CDH13: variants seen among roughly 807,000 people sequenced by gnomAD.
CDH13 encodes cadherin 13, also known as cadherin-13.
A neutral mutation model predicts 63.8 loss-of-function variants in CDH13; 24 were observed. That is an observed-to-expected ratio of 0.38 (90% CI 0.27 to 0.53). The LOEUF is 0.53. Among genes scored for constraint, CDH13 ranks in the 20% least tolerant of loss-of-function variants. The pLI is 0.85. For synonymous variants in CDH13, 503 were observed against 355.3 expected, an observed-to-expected ratio of 1.42 and a Z score of -4.67; for missense variants, 1,049 against 903.1, an observed-to-expected ratio of 1.16 and a Z score of -2.07.
chr16:82,993,734 AAC>A (rs899713944), intron 2 of CDH13, among the ~76,000 whole-genome samples: 25 of 152,318 alleles, frequency 1.6e-4, no homozygotes, highest in African/African-American at 5.8e-4. Context: ...TGTACCAAAA[AAC>A]ACAGAAAACA....
chr16:83,060,293 C>T (rs935622150), intron 3 of CDH13, among the ~76,000 whole-genome samples: 6 of 152,188 alleles, frequency 3.9e-5, no homozygotes, highest in Non-Finnish European at 8.8e-5. Context: ...CCCAGAGAGT[C>T]AGTCCAGCTG....
intron 1 of CDH13, among the ~76,000 whole-genome samples, chr16:82,667,177 G>T (rs577352900): frequency 6.6e-6 from 1 of 152,180 alleles, no homozygotes; most frequent in Non-Finnish European, 1.5e-5. Flanking sequence ...CAGCAGTAGG[G>T]TATTGAAATT....
chr16:83,039,687 G>C (rs929906669), intron 3 of CDH13, among the ~76,000 whole-genome samples: 2 of 152,026 alleles, frequency 1.3e-5, no homozygotes, highest in Admixed American at 6.5e-5. Context: ...GTATTCAGTG[G>C]ATGCCTTTTG....
chr16:82,742,672 A>G (rs1203936973), intron 1 of CDH13, among the ~76,000 whole-genome samples: 2 of 152,196 alleles, frequency 1.3e-5, no homozygotes, highest in East Asian at 3.8e-4. Context: ...AGGACTATAA[A>G]GGAAGATAAA....
At chr16:83,291,101 C>T (rs1812790269) in intron 5 of CDH13, among the ~76,000 whole-genome samples, 2 of 152,128 alleles carry the variant, frequency 1.3e-5, no homozygotes, top group South Asian at 2.1e-4. Context: ...TTGTTCAAAG[C>T]GGCAAGCTAC....
chr16:83,057,433 C>T (rs1348391418), intron 3 of CDH13, among the ~76,000 whole-genome samples: 1 of 152,094 alleles, frequency 6.6e-6, no homozygotes, highest in Non-Finnish European at 1.5e-5. Flanking sequence ...AAAAATTCAC[C>T]AAACTGTACA....
At chr16:83,480,334 T>C (rs11649419) in intron 6 of CDH13, among the ~76,000 whole-genome samples, 3,335 of 152,150 alleles carry the variant, frequency 0.022, 49 homozygotes, top group Non-Finnish European at 0.037. Flanking sequence ...ACAATAAAAT[T>C]TGGGGCTTAA....
At chr16:83,574,746 C>T (rs889016229) in intron 7 of CDH13, among the ~76,000 whole-genome samples, 1 of 152,278 alleles carries the variant, frequency 6.6e-6, no homozygotes, top group African/African-American at 2.4e-5. Flanking sequence ...TGTTAAGATT[C>T]CCATGTAACA....
intron 6 of CDH13, among the ~76,000 whole-genome samples, chr16:83,368,374 A>G (rs553861944): frequency 1.3e-5 from 2 of 152,358 alleles, no homozygotes; most frequent in South Asian, 4.1e-4. Context: ...AATTATGGAA[A>G]GAATTTGGTT....
In CDH13 at chr16:83,717,659, C is replaced by T. The variant is rs574090034; in HGVS notation, c.1539-30449C>T. The T allele has an allele frequency of 7.9e-5, 12 of 152,568 alleles. No individual in the cohort carries two copies. In the South Asian group the frequency reaches 2.3e-3, roughly 29 times the overall value. The allele number at this position is 152,568 out of a possible 1,614,324, so 9.5% of individuals were successfully genotyped here. ...ACCTCTCACTGCCTCAATTTCCTTA[C>T]CTGTAAGTGGCGACGATAATTCCTT... On this transcript the variant is annotated intron_variant, in intron 10 of 13. Coordinates refer to ENST00000567109, the MANE Select transcript of CDH13 (RefSeq NM_001257.5).
chr16:82,708,068 G>T (rs1409031732), intron 1 of CDH13, among the ~76,000 whole-genome samples: 1 of 152,162 alleles, frequency 6.6e-6, no homozygotes, highest in East Asian at 1.9e-4. Flanking sequence ...CATGGTCCTT[G>T]TCTGCATGGT....
intron 7 of CDH13, among the ~76,000 whole-genome samples, chr16:83,515,464 A>G (rs1457219193): frequency 6.6e-6 from 1 of 152,216 alleles, no homozygotes; most frequent in African/African-American, 2.4e-5. Context: ...TTTCCGTGAC[A>G]CAATTGAAGG....
At chr16:82,951,292 C>T (rs1905265258) in intron 2 of CDH13, among the ~76,000 whole-genome samples, 1 of 152,178 alleles carries the variant, frequency 6.6e-6, no homozygotes, top group African/African-American at 2.4e-5. Context: ...ACTGCCTGTG[C>T]TCTCAAAGAA....
At chr16:82,874,526 C>T (rs1006002377) in intron 2 of CDH13, among the ~76,000 whole-genome samples, 1 of 152,000 alleles carries the variant, frequency 6.6e-6, no homozygotes, top group Non-Finnish European at 1.5e-5. Context: ...GCGATCCAGG[C>T]TTCTCTTAAC....
intron 4 of CDH13, among the ~76,000 whole-genome samples, chr16:83,199,433 C>T (rs1357619978): frequency 2.0e-5 from 3 of 152,146 alleles, no homozygotes; most frequent in Admixed American, 6.6e-5. Flanking sequence ...CTGTTCCTCC[C>T]CCTGAACTAG....
chr16:83,416,837 A>C (rs993893886), intron 6 of CDH13, among the ~76,000 whole-genome samples: 1 of 152,218 alleles, frequency 6.6e-6, no homozygotes, highest in Non-Finnish European at 1.5e-5. Context: ...TCTGTGCCTA[A>C]GGATTCTCAT....
At chr16:83,591,268 C>T (rs1227966899) in intron 7 of CDH13, among the ~76,000 whole-genome samples, 3 of 152,180 alleles carry the variant, frequency 2.0e-5, no homozygotes, top group Non-Finnish European at 2.9e-5. Context: ...CTGCTATGTA[C>T]CAGGCATAAT....
chr16:83,141,940 G>A (rs2151677007), intron 4 of CDH13, among the ~76,000 whole-genome samples: 1 of 152,146 alleles, frequency 6.6e-6, no homozygotes, highest in Admixed American at 6.5e-5. Context: ...CCCTCCTCCA[G>A]TGTCAGAGCA....
intron 3 of CDH13, among the ~76,000 whole-genome samples, chr16:83,110,017 A>T (rs1257378446): frequency 6.6e-6 from 1 of 152,146 alleles, no homozygotes; most frequent in Non-Finnish European, 1.5e-5. Flanking sequence ...TTTTTGTTTT[A>T]TTTTTTAACT....
Sources: gnomAD v4.1 joint callset for allele counts (sites outside exome capture counted in the v4.1 genomes callset) on GRCh38, gnomAD v4.1.1 for gene constraint, MANE v1.5 for transcripts, NCBI Gene and HGNC (gene_info 2026-07-23, HGNC 2026-07-21) for gene names.